SLC16A9: variants seen among roughly 807,000 people sequenced by gnomAD.
SLC16A9 encodes monocarboxylate transporter 9.
In SLC16A9, 26 loss-of-function variants were observed where a neutral mutation model predicts 44.3. The ratio of observed to expected loss-of-function variants is 0.59; its 90% CI spans 0.43 to 0.81. The LOEUF is 0.81. Ranked by LOEUF, SLC16A9 falls within the 40% of genes least tolerant of loss-of-function variation. SLC16A9 has a pLI of 0.00. For synonymous variants in SLC16A9, 230 were observed against 225.1 expected (o/e 1.02, Z -0.19); for missense variants, 559 against 595.8 (o/e 0.94, Z 0.64).
At chr10:59,690,791 C>CA (rs950943588) in intron 1 of SLC16A9, among the ~76,000 whole-genome samples, 136 of 143,198 alleles carry the variant, frequency 9.5e-4, no homozygotes, top group African/African-American at 1.6e-3. Flanking sequence ...ATTTTTTTTC[C>CA]AAAAAAAAAA....
chr10:59,691,383 CA>C (rs1319762801), intron 1 of SLC16A9, among the ~76,000 whole-genome samples: 2 of 152,070 alleles, frequency 1.3e-5, no homozygotes, highest in Non-Finnish European at 2.9e-5. Flanking sequence ...AATTTAGGGG[CA>C]GTTTTTTTAT....
chr10:59,693,408 T>TTA (rs59624651), intron 1 of SLC16A9, among the ~76,000 whole-genome samples: 3,491 of 152,246 alleles, frequency 0.023, 137 homozygotes, highest in African/African-American at 0.08. Context: ...AAAAATATAC[T>TTA]TATATATCAA....
chr10:59,698,470 C>T (rs191239005), intron 1 of SLC16A9, among the ~76,000 whole-genome samples: 19 of 152,258 alleles, frequency 1.2e-4, no homozygotes, highest in Admixed American at 1.2e-3. Context: ...CACAGTTTCA[C>T]CCTTATGGCT....
chr10:59,674,230 T>C (rs763208372), intron 2 of SLC16A9, among the ~76,000 whole-genome samples: 41 of 152,236 alleles, frequency 2.7e-4, no homozygotes, highest in Non-Finnish European at 5.7e-4. Context: ...GAATCCATCA[T>C]GGTCTCACTG....
At chr10:59,662,379 T>G (rs111246247) in intron 4 of SLC16A9, among the ~76,000 whole-genome samples, 4,457 of 151,444 alleles carry the variant, frequency 0.029, 210 homozygotes, top group African/African-American at 0.1. Context: ...GCTCACACCT[T>G]TAATCCCAAC....
chr10:59,671,398 C>A (rs556253222), intron 3 of SLC16A9, among the ~76,000 whole-genome samples: 5 of 152,294 alleles, frequency 3.3e-5, no homozygotes, highest in Admixed American at 1.3e-4. Flanking sequence ...ATTTAAGTAA[C>A]TGTACACTGA....
intron 2 of SLC16A9, among the ~76,000 whole-genome samples, chr10:59,677,549 TC>T (rs1839887023): frequency 6.6e-6 from 1 of 152,028 alleles, no homozygotes; most frequent in Admixed American, 6.6e-5. Flanking sequence ...AATCCAGGAC[TC>T]AGACAAGAGG....
intron 1 of SLC16A9, among the ~76,000 whole-genome samples, chr10:59,685,308 G>A (rs1008480665): frequency 1.3e-5 from 2 of 151,980 alleles, no homozygotes; most frequent in African/African-American, 4.8e-5. Context: ...AAAAACACTT[G>A]CATGGTTCAT....
intron 1 of SLC16A9, among the ~76,000 whole-genome samples, chr10:59,687,968 C>A (rs79884153): frequency 1.9e-3 from 270 of 140,530 alleles, no homozygotes; most frequent in Non-Finnish European, 2.0e-3. Context: ...TCAACAACAA[C>A]AAAAAAAAAA....
intron 1 of SLC16A9, among the ~76,000 whole-genome samples, chr10:59,693,721 G>A (rs1309011864): frequency 6.6e-6 from 1 of 151,508 alleles, no homozygotes; most frequent in Non-Finnish European, 1.5e-5. Flanking sequence ...CCAGGTTCAC[G>A]TCATTCTCCT....
At chr10:59,676,791 C>T (rs780036924) in intron 2 of SLC16A9, among the ~76,000 whole-genome samples, 2 of 151,808 alleles carry the variant, frequency 1.3e-5, no homozygotes, top group African/African-American at 2.4e-5. Flanking sequence ...GGTGTGATGA[C>T]ACATGCCTGT....
At position 59,694,831 on chromosome 10, in the gene SLC16A9, C is replaced by CAT. The variant is rs1297682295; in HGVS notation, c.-36-10505_-36-10504insAT. On this transcript the variant is annotated intron_variant, in intron 1 of 5. Coordinates refer to ENST00000395348, the MANE Select transcript of SLC16A9 (RefSeq NM_194298.3). ...ATATATATATATACACACACACACA[C>CAT]ACATATATATACACTAAATATTTTT... Among the ~76,000 whole-genome samples the CAT allele has an allele frequency of 9.5e-3, 739 of 77,848 alleles. 26 individuals carry two copies. Among genetic ancestry groups the CAT allele is most frequent in the African/African-American group, 0.029 (716 of 24,548 alleles). 51.1% of individuals were successfully genotyped at this position (77,848 alleles called of 152,430 possible). A position where few individuals can be genotyped will look rare whatever the true frequency, so the allele number is the denominator to read the frequency against.
intron 2 of SLC16A9, among the ~76,000 whole-genome samples, 178 bp from the exon 3 acceptor site, chr10:59,673,091 C>T (rs781060146): frequency 6.6e-6 from 1 of 152,036 alleles, no homozygotes; most frequent in Non-Finnish European, 1.5e-5. Flanking sequence ...TTACTGCAGC[C>T]CTGGGAGGTG....
rs60450481 is a variant in SLC16A9, at chr10:59,706,630, T to TACACACACACACACACACACAC, written c.-37+2827_-37+2848dup. Among the ~76,000 whole-genome samples the TACACACACACACACACACACAC allele has an allele frequency of 6.1e-3, 895 of 146,008 alleles. 12 individuals are homozygous for TACACACACACACACACACACAC. Among genetic ancestry groups the TACACACACACACACACACACAC allele is most frequent in the African/African-American group, 0.011 (442 of 38,704 alleles). On this transcript the variant is annotated intron_variant, in intron 1 of 5. Transcript: ENST00000395348. The stretch of plus-strand genomic sequence containing the variant: ...TGGATGAATGGATGAAGAAATGTGA[T>TACACACACACACACACACACAC]ACACACACACACACACACACACAAT...
chr10:59,697,976 A>AAAAAAAC (rs1564713242), intron 1 of SLC16A9, among the ~76,000 whole-genome samples: 1 of 150,210 alleles, frequency 6.7e-6, no homozygotes, highest in Non-Finnish European at 1.5e-5. Flanking sequence ...AAAAAAAACA[A>AAAAAAAC]AAAACAAAAC....
chr10:59,692,234 T>C (rs1840268608), intron 1 of SLC16A9, among the ~76,000 whole-genome samples: 1 of 152,222 alleles, frequency 6.6e-6, no homozygotes. Context: ...TCTAGTTATC[T>C]GTGAGGTGAA....
At chr10:59,656,288 T>G (rs1839347255) in intron 4 of SLC16A9, among the ~76,000 whole-genome samples, 2 of 152,244 alleles carry the variant, frequency 1.3e-5, no homozygotes, top group Admixed American at 1.3e-4. Flanking sequence ...CCATTAACTA[T>G]AAATTTGTGA....
At chr10:59,696,935 G>T (rs1445217253) in intron 1 of SLC16A9, among the ~76,000 whole-genome samples, 30 of 145,568 alleles carry the variant, frequency 2.1e-4, no homozygotes, top group African/African-American at 7.8e-4. Flanking sequence ...AGGGAGGTGG[G>T]GGGTCAGCCC....
intron 1 of SLC16A9, among the ~76,000 whole-genome samples, chr10:59,694,143 G>A (rs1037609164): frequency 6.6e-6 from 1 of 151,614 alleles, no homozygotes; most frequent in Non-Finnish European, 1.5e-5. Flanking sequence ...GTTTCACCGT[G>A]TAAATCAGGA....
Sources: gnomAD v4.1 joint callset for allele counts (sites outside exome capture counted in the v4.1 genomes callset) on GRCh38, gnomAD v4.1.1 for gene constraint, MANE v1.5 for transcripts, NCBI Gene and HGNC (gene_info 2026-07-23, HGNC 2026-07-21) for gene names.